Variants in SH3RF3 observed in about 807,000 individuals in gnomAD.
SH3RF3 encodes the protein SH3 domain containing ring finger 3, also known as E3 ubiquitin-protein ligase SH3RF3.
In SH3RF3, 29 loss-of-function variants were observed where a neutral mutation model predicts 66.3. The ratio of observed to expected loss-of-function variants is 0.44; its 90% CI spans 0.33 to 0.60. The LOEUF (loss-of-function observed/expected upper bound fraction) is 0.60, where lower values mean the gene tolerates loss of function less well. SH3RF3 is among the 20% of genes least tolerant of loss of function. The pLI is 0.04. For missense variants in SH3RF3, 1,194 were observed against 1,190.9 expected, an observed-to-expected ratio of 1.00 and a Z score of -0.04; for synonymous variants, 583 against 532.0, an observed-to-expected ratio of 1.10 and a Z score of -1.32.
intron 8 of SH3RF3, among the ~76,000 whole-genome samples, chr2:109,475,246 G>C (rs1331413235): frequency 6.6e-6 from 1 of 152,204 alleles, no homozygotes; most frequent in African/African-American, 2.4e-5. Flanking sequence ...CAAAGTGCTA[G>C]GATTACAGGC....
At position 109,490,947 on chromosome 2, in the gene SH3RF3, G is replaced by A. The variant is rs1321842863; in HGVS notation, c.2480+11G>A. The A allele has an allele frequency of 4.1e-6, 6 of 1,468,958 alleles. No homozygotes were observed. The highest frequency in any genetic ancestry group is 5.4e-6 in the Non-Finnish European group (6 of 1,108,802). The allele number at this position is 1,468,958 out of a possible 1,614,324, so 91.0% of individuals were successfully genotyped here. A position where few individuals can be genotyped will look rare whatever the true frequency, so the allele number is the denominator to read the frequency against. On this transcript the variant is annotated intron_variant, in intron 9 of 9. Coordinates refer to ENST00000309415, the MANE Select transcript of SH3RF3 (RefSeq NM_001099289.3). Reference sequence around the variant, plus strand: ...GTTGCCCAGAGAGAGGTAAGTGCAGGGGCTTGTCTGCTCTGTGGCATGCTG... The same window carrying A: ...GTTGCCCAGAGAGAGGTAAGTGCAGAGGCTTGTCTGCTCTGTGGCATGCTG...
intron 7 of SH3RF3, among the ~76,000 whole-genome samples, chr2:109,448,485 C>T (rs1052744646): frequency 3.3e-5 from 5 of 152,138 alleles, no homozygotes; most frequent in Non-Finnish European, 7.3e-5. Context: ...GCTCCACCAC[C>T]CATCACATTA....
intron 1 of SH3RF3, among the ~76,000 whole-genome samples, chr2:109,234,429 C>A (rs1323965683): frequency 6.6e-6 from 1 of 152,202 alleles, no homozygotes; most frequent in Non-Finnish European, 1.5e-5. Context: ...CCACGAATGT[C>A]TCATGGAGCT....
intron 1 of SH3RF3, among the ~76,000 whole-genome samples, chr2:109,233,458 C>G (rs1679567560): frequency 6.6e-6 from 1 of 152,364 alleles, no homozygotes; most frequent in African/African-American, 2.4e-5. Flanking sequence ...CTGCACTGCT[C>G]TACTTCTCTG....
intron 8 of SH3RF3, among the ~76,000 whole-genome samples, chr2:109,467,302 C>A (rs1678379472): frequency 6.6e-6 from 1 of 152,296 alleles, no homozygotes; most frequent in South Asian, 2.1e-4. Flanking sequence ...CACCACCCAG[C>A]AAGAAAAAGA....
At chr2:109,136,481 C>T (rs919009033) in intron 1 of SH3RF3, among the ~76,000 whole-genome samples, 18 of 152,120 alleles carry the variant, frequency 1.2e-4, no homozygotes, top group Admixed American at 9.8e-4. Flanking sequence ...ATGTGAGCCT[C>T]CCTTTTCCCA....
At chr2:109,351,728 C>CT (rs1459337234) in intron 2 of SH3RF3, among the ~76,000 whole-genome samples, 1 of 152,206 alleles carries the variant, frequency 6.6e-6, no homozygotes, top group Non-Finnish European at 1.5e-5. Context: ...CCAGGCTTGC[C>CT]ATATCAGCCC....
At chr2:109,450,763 G>C (rs890680858) in intron 8 of SH3RF3, among the ~76,000 whole-genome samples, 3 of 152,240 alleles carry the variant, frequency 2.0e-5, no homozygotes, top group African/African-American at 4.8e-5. Flanking sequence ...TCCCTAGGGC[G>C]TTGGGCTGGG....
intron 7 of SH3RF3, among the ~76,000 whole-genome samples, chr2:109,442,450 T>C (rs1677595977): frequency 6.6e-6 from 1 of 152,150 alleles, no homozygotes; most frequent in South Asian, 2.1e-4. Flanking sequence ...ACTACATAGA[T>C]AAATATATAA....
At chr2:109,404,072 A>G (rs1030585906) in intron 4 of SH3RF3, among the ~76,000 whole-genome samples, 1 of 152,178 alleles carries the variant, frequency 6.6e-6, no homozygotes, top group African/African-American at 2.4e-5. Flanking sequence ...CCAGGAGCCC[A>G]TCTCTGGCTT....
chr2:109,352,349 G>C (rs1682857972), intron 2 of SH3RF3, among the ~76,000 whole-genome samples: 1 of 152,186 alleles, frequency 6.6e-6, no homozygotes, highest in Admixed American at 6.5e-5. Flanking sequence ...TGCAGGACTG[G>C]TCTGCTATGC....
chr2:109,407,828 A>G, intron 4 of SH3RF3, among the ~76,000 whole-genome samples: 1 of 152,200 alleles, frequency 6.6e-6, no homozygotes, highest in East Asian at 1.9e-4. Flanking sequence ...TCCATGACTT[A>G]CCAATCCTGG....
At chr2:109,362,734 A>G (rs1236547840) in intron 2 of SH3RF3, among the ~76,000 whole-genome samples, 2 of 152,058 alleles carry the variant, frequency 1.3e-5, no homozygotes, top group Non-Finnish European at 2.9e-5. Flanking sequence ...TTTTTGCATC[A>G]TGTATTTTGA....
At position 109,347,813 on chromosome 2, in the gene SH3RF3, G is replaced by C. The variant is rs375038281; in HGVS notation, c.713G>C (p.Gly238Ala). The part of the protein sequence containing the change: ...DEQWYHGELH[G>A]TQGFLPASYI... ...CAGTGGTACCACGGCGAGCTGCACG[G>C]CACACAGGGCTTCCTCCCAGCCAGC... Residue 238 changes from glycine to alanine, a missense_variant, in exon 2 of 10, where the codon GGC becomes GCC. Physicochemically the swap from Gly to Ala is moderately conservative, Grantham distance 60. Transcript: ENST00000309415. 2 of 1,613,830 alleles carry C rather than the reference G, an allele frequency of 1.2e-6. No individual in the cohort carries two copies. The highest frequency in any genetic ancestry group is 1.7e-6 in the Non-Finnish European group (2 of 1,179,872).
chr2:109,129,259 G>A lies in SH3RF3; in HGVS notation c.-282G>A, dbSNP rs1217163220. On this transcript the variant is annotated 5_prime_UTR_variant, in exon 1 of 10. Coordinates refer to ENST00000309415, the MANE Select transcript of SH3RF3 (RefSeq NM_001099289.3). ...GCACCCCCGGTCCCCCGCGCGGGGC[G>A]GACTTGCGGCGGGACAGGTGTAGCC... 9.0e-5 allele frequency: 53 copies of A among 587,296 alleles called. No homozygotes were observed. The East Asian group carries it at 2.1e-3, about 23-fold the overall frequency. The allele number at this position is 587,296 out of a possible 1,614,324, so 36.4% of individuals were successfully genotyped here.
chr2:109,407,049 C>CTGCTGTG (rs937823593), intron 4 of SH3RF3, among the ~76,000 whole-genome samples: 2 of 152,220 alleles, frequency 1.3e-5, no homozygotes, highest in African/African-American at 4.8e-5. Context: ...TATGCTTGCA[C>CTGCTGTG]TGCTGTGTGC....
At chr2:109,354,405 C>T (rs1034944549) in intron 2 of SH3RF3, among the ~76,000 whole-genome samples, 2 of 152,224 alleles carry the variant, frequency 1.3e-5, no homozygotes, top group African/African-American at 2.4e-5. Flanking sequence ...AGTGGCGCAG[C>T]GTTCATGTGG....
intron 1 of SH3RF3, among the ~76,000 whole-genome samples, chr2:109,342,762 G>C (rs969217302): frequency 6.6e-6 from 1 of 152,182 alleles, no homozygotes; most frequent in Non-Finnish European, 1.5e-5. Context: ...AGATGGCGCC[G>C]TTGTGCCCAC....
chr2:109,143,966 G>A (rs931232390), intron 1 of SH3RF3, among the ~76,000 whole-genome samples: 1 of 152,226 alleles, frequency 6.6e-6, no homozygotes, highest in Non-Finnish European at 1.5e-5. Flanking sequence ...GGCAAATACT[G>A]TGTGATCTCA....
Sources: allele counts gnomAD v4.1 joint callset (sites outside exome capture counted in the v4.1 genomes callset), GRCh38; gene constraint gnomAD v4.1.1; transcripts MANE v1.5; gene names NCBI Gene and HGNC (gene_info 2026-07-23, HGNC 2026-07-21).